LRP6: variants seen among roughly 807,000 people sequenced by gnomAD.
LRP6 encodes low-density lipoprotein receptor-related protein 6.
In LRP6, 43 loss-of-function variants were observed where a neutral mutation model predicts 184.1. The observed-to-expected ratio is 0.23, with a 90% CI of 0.18 to 0.30. LRP6 has a LOEUF of 0.30. Ranked by LOEUF, LRP6 falls within the 10% of genes least tolerant of loss-of-function variation. LRP6 has a pLI of 1.00. For missense variants in LRP6, 1,571 were observed against 2,005.3 expected (o/e 0.78, Z 4.14); for synonymous variants, 719 against 684.9 (o/e 1.05, Z -0.78).
chr12:12,179,775 A>C, intron 7 of LRP6, 35 bp downstream of exon 7: 1 of 1,610,018 alleles, frequency 6.2e-7, no homozygotes, highest in Non-Finnish European at 8.5e-7. Context: ...ACCCATTATA[A>C]AAGTGGCTTG....
At chr12:12,226,309 A>G (rs540514275) in intron 2 of LRP6, among the ~76,000 whole-genome samples, 175 of 152,368 alleles carry the variant, frequency 1.1e-3, no homozygotes, top group Middle Eastern at 3.4e-3. Flanking sequence ...AGGCATACTA[A>G]AAGACAAAAA....
At chr12:12,150,180 G>C (rs1401490809) in intron 13 of LRP6, among the ~76,000 whole-genome samples, 1 of 152,082 alleles carries the variant, frequency 6.6e-6, no homozygotes, top group Non-Finnish European at 1.5e-5. Flanking sequence ...AGCAAGCAAA[G>C]AAGTATCGAT....
chr12:12,147,588 T>C (rs1360742349), intron 14 of LRP6, 32 bp from the exon 15 acceptor site: 1 of 1,520,524 alleles, frequency 6.6e-7, no homozygotes, highest in Non-Finnish European at 9.1e-7. Context: ...AATAAGTTAC[T>C]GGAGTAAGAA....
In LRP6 at chr12:12,244,561, C is replaced by A; in HGVS notation, c.150G>T (p.Leu50Phe). Residue 50 changes from leucine (L) to phenylalanine (F), a missense_variant, in exon 2 of 23, where the codon TTG becomes TTT. Physicochemically the swap from Leu to Phe is conservative, Grantham distance 22. Coordinates refer to ENST00000261349, the MANE Select transcript of LRP6 (RefSeq NM_002336.3). ...CAAAGTCCACCGCAGCTGCATCCTC[C>A]AAGCCTCCAACTACAATCGTAGCAT... Reference protein sequence around the residue: ...KENATIVVGGLEDAAAVDFVF... With the variant: ...KENATIVVGGFEDAAAVDFVF... The A allele has an allele frequency of 6.2e-7, 1 of 1,614,218 alleles. No individual in the cohort carries two copies. Among genetic ancestry groups the A allele is most frequent in the Non-Finnish European group, 8.5e-7 (1 of 1,180,038 alleles).
intron 7 of LRP6, among the ~76,000 whole-genome samples, chr12:12,174,390 CG>C (rs1450272024): frequency 6.6e-6 from 1 of 152,102 alleles, no homozygotes; most frequent in East Asian, 1.9e-4. Flanking sequence ...GGATTACAGG[CG>C]TGAGCCACCG....
chr12:12,202,737 G>GTTCCA (rs1463811640), intron 3 of LRP6, among the ~76,000 whole-genome samples: 1 of 152,192 alleles, frequency 6.6e-6, no homozygotes, highest in African/African-American at 2.4e-5. Context: ...TTTTATCAAA[G>GTTCCA]TTCCATTAGC....
At chr12:12,134,991 G>A (rs1456891603) in intron 17 of LRP6, among the ~76,000 whole-genome samples, 184 bp downstream of exon 17, 1 of 152,176 alleles carries the variant, frequency 6.6e-6, no homozygotes, top group Non-Finnish European at 1.5e-5. Flanking sequence ...TGATGATTAT[G>A]AGGCTGGGCA....
intron 2 of LRP6, among the ~76,000 whole-genome samples, chr12:12,216,381 G>A (rs973814122): frequency 6.6e-6 from 1 of 152,008 alleles, no homozygotes; most frequent in African/African-American, 2.4e-5. Context: ...TAATAATATA[G>A]CCAATTATAC....
rs1310471454 is a variant in LRP6 at position 12,181,165 on chromosome 12, A to T, written c.1251T>A (p.Leu417=). ...GATCAGTGCCAGTGTCTGTCCAATA[A>T]AGATTTCGTGCAACCCAGTCCACAG... ...GIAVDWVARN[L]YWTDTGTDRI... The change falls in exon 6 of 23, where the codon CTT becomes CTA. Residue 417 remains leucine, a synonymous_variant. Coordinates refer to ENST00000261349, the MANE Select transcript of LRP6 (RefSeq NM_002336.3). 6.2e-7 allele frequency: 1 copy of T among 1,614,140 alleles called. No individual in the cohort carries two copies.
intron 8 of LRP6, among the ~76,000 whole-genome samples, 165 bp downstream of exon 8, chr12:12,164,907 GTCCCTTC>G (rs1222860929): frequency 2.4e-5 from 2 of 82,556 alleles, no homozygotes; most frequent in East Asian, 8.3e-4. Context: ...CGTTTAAAAG[GTCCCTTC>G]TCAGTAAAAA....
At chr12:12,214,344 C>T (rs1864285735) in intron 2 of LRP6, among the ~76,000 whole-genome samples, 1 of 152,100 alleles carries the variant, frequency 6.6e-6, no homozygotes, top group South Asian at 2.1e-4. Flanking sequence ...TTATGTTAAA[C>T]CTAACACCCC....
In LRP6 at chr12:12,149,033, T is replaced by A; in HGVS notation, c.3115A>T (p.Asn1039Tyr). 6.2e-7 allele frequency: 1 copy of A among 1,613,928 alleles called. No homozygotes were observed. The highest frequency in any genetic ancestry group is 8.5e-7 in the Non-Finnish European group (1 of 1,179,858). ...GATCTCCCATCTAATCTTGTCACAT[T>A]AATGACATTGGTAGCCTCACAAGTC... ...YWTCEATNVI[N>Y]VTRLDGRSVG... The change falls in exon 14 of 23, where the codon AAT becomes TAT. Residue 1039 changes from asparagine (N) to tyrosine (Y), a missense_variant. Transcript: ENST00000261349.
intron 1 of LRP6, among the ~76,000 whole-genome samples, chr12:12,251,173 T>C (rs1409235953): frequency 1.3e-5 from 2 of 152,160 alleles, no homozygotes; most frequent in Non-Finnish European, 2.9e-5. Flanking sequence ...CCTCAAGTGA[T>C]TCGCCCACCT....
intron 1 of LRP6, among the ~76,000 whole-genome samples, chr12:12,266,452 C>G (rs1344447788): frequency 6.6e-6 from 1 of 152,122 alleles, no homozygotes; most frequent in Non-Finnish European, 1.5e-5. Flanking sequence ...ATCGAAGCTC[C>G]GATGTGTCCG....
chr12:12,248,773 C>A (rs1865253158), intron 1 of LRP6, among the ~76,000 whole-genome samples: 1 of 152,150 alleles, frequency 6.6e-6, no homozygotes, highest in Non-Finnish European at 1.5e-5. Context: ...AGCCACTGCG[C>A]CCAGCCTCTC....
At chr12:12,197,258 TACTA>T (rs1414806159) in intron 3 of LRP6, among the ~76,000 whole-genome samples, 6 of 152,218 alleles carry the variant, frequency 3.9e-5, no homozygotes, top group Non-Finnish European at 5.9e-5. Flanking sequence ...ACAGCCTCCT[TACTA>T]ACTGTTATGA....
chr12:12,150,731 CAT>C (rs1950070014), intron 13 of LRP6, 103 bp downstream of exon 13: 2 of 1,186,664 alleles, frequency 1.7e-6, no homozygotes. Flanking sequence ...TTCATACACA[CAT>C]ACACACACAC....
chr12:12,164,433 T>G lies in LRP6; in HGVS notation c.1892A>C (p.Glu631Ala). 6.2e-7 allele frequency: 1 copy of G among 1,614,122 alleles called. No homozygotes were observed. The highest frequency in any genetic ancestry group is 8.5e-7 in the Non-Finnish European group (1 of 1,180,012). The change falls in exon 9 of 23, where the codon GAG becomes GCG. Residue 631 changes from glutamate (E) to alanine (A), a missense_variant. By Grantham distance (107) the Glu-to-Ala change is moderately radical (BLOSUM62 -1). Coordinates refer to ENST00000261349, the MANE Select transcript of LRP6 (RefSeq NM_002336.3). ...ISDMKTCIVP[E>A]AFLLFSRRAD... ...TCTCCGTGAAAACAAAAGGAAAGCC[T>G]CTGGGACAATGCAGGTCTTCATGTC...
chr12:12,166,430 CAG>C (rs1191595433), intron 7 of LRP6, among the ~76,000 whole-genome samples: 2 of 152,178 alleles, frequency 1.3e-5, no homozygotes, highest in East Asian at 3.8e-4. Context: ...GCACCCAACA[CAG>C]AGTGATAAAT....
Sources: allele counts gnomAD v4.1 joint callset (sites outside exome capture counted in the v4.1 genomes callset), GRCh38; gene constraint gnomAD v4.1.1; transcripts MANE v1.5; gene names NCBI Gene and HGNC (gene_info 2026-07-23, HGNC 2026-07-21).